Variants in APOL4 observed in about 807,000 individuals in gnomAD.
APOL4 encodes the protein apolipoprotein L4, also known as apolipoprotein L, 4.
Under a neutral mutation model 12.1 loss-of-function variants are expected in APOL4, and 14 were observed. That is an observed-to-expected ratio of 1.16 (90% CI 0.76 to 1.81). APOL4 has a LOEUF of 1.81. APOL4 is among the 40% of genes most tolerant of loss of function. The pLI is 0.00. For missense variants in APOL4, 432 were observed against 423.1 expected, an observed-to-expected ratio of 1.02 and a Z score of -0.18; for synonymous variants, 171 against 160.6, an observed-to-expected ratio of 1.06 and a Z score of -0.49.
At position 36,199,329 on chromosome 22, in the gene APOL4, C is replaced by A. The variant is rs374192613; in HGVS notation, c.82+1G>T. On this transcript the variant is annotated splice_donor_variant, in intron 2 of 3. Transcript: ENST00000683024. LOFTEE classifies it high-confidence loss of function. ...AGCAGCCAGGTCTCTGAAAGGCTTA[C>A]CTTGGAACTGTCCAGCCACTGTCCA... The A allele has an allele frequency of 6.2e-6, 10 of 1,613,968 alleles. No individual in the cohort carries two copies. In the East Asian group the frequency reaches 8.9e-5, roughly 14 times the overall value.
chr22:36,195,784 A>T (rs1053426613), intron 2 of APOL4, among the ~76,000 whole-genome samples: 336 of 137,522 alleles, frequency 2.4e-3, no homozygotes, highest in South Asian at 8.3e-3. Context: ...TCTCACACAC[A>T]CACACACACA....
chr22:36,198,255 C>T (rs1021483493), intron 2 of APOL4, among the ~76,000 whole-genome samples: 2 of 152,310 alleles, frequency 1.3e-5, no homozygotes, highest in Admixed American at 6.5e-5. Flanking sequence ...TCAGAGACCT[C>T]CCTAAACCCA....
At chr22:36,202,639 TG>T (rs2014617447), upstream of APOL4, among the ~76,000 whole-genome samples, 1 of 150,924 alleles carries the variant, frequency 6.6e-6, no homozygotes, top group Non-Finnish European at 1.5e-5. Flanking sequence ...GGCAGGAGAA[TG>T]GTGTGAACCC....
chr22:36,204,669 G>A (rs2014675241), upstream of APOL4: 5 of 775,884 alleles, frequency 6.4e-6, no homozygotes, highest in South Asian at 6.5e-5. Flanking sequence ...AGATCCAGCT[G>A]GTCTGAGCTG....
At position 36,201,788 on chromosome 22, in the gene APOL4, A is replaced by G; in HGVS notation, c.-54T>C. Reference sequence around the variant, plus strand: ...GACGCTGATCTGGGGCCTCTGCTGAATGTTGAGGCTGGATACTGACTGTTA... The same window carrying G: ...GACGCTGATCTGGGGCCTCTGCTGAGTGTTGAGGCTGGATACTGACTGTTA... On this transcript the variant is annotated 5_prime_UTR_variant, in exon 1 of 4. Coordinates refer to ENST00000683024, the MANE Select transcript of APOL4 (RefSeq NM_001386885.1). The G allele has an allele frequency of 6.3e-7, 1 of 1,585,222 alleles. No individual in the cohort carries two copies. Among genetic ancestry groups the G allele is most frequent in the Non-Finnish European group, 8.6e-7 (1 of 1,165,294 alleles).
intron 2 of APOL4, among the ~76,000 whole-genome samples, chr22:36,199,057 C>A (rs780561407): frequency 2.6e-5 from 4 of 152,216 alleles, no homozygotes; most frequent in South Asian, 4.1e-4. Context: ...CCACTTAAGT[C>A]ATTTGCTAGG....
chr22:36,197,492 A>C (rs1182052452), intron 2 of APOL4: 20 of 1,178,400 alleles, frequency 1.7e-5, no homozygotes, highest in Non-Finnish European at 2.3e-5. Context: ...TGGGGTGGGG[A>C]TGGTGAATAT....
intron 2 of APOL4, among the ~76,000 whole-genome samples, chr22:36,198,758 G>T (rs1165853571): frequency 6.6e-6 from 1 of 152,314 alleles, no homozygotes; most frequent in Admixed American, 6.5e-5. Context: ...GGAGTAAGGA[G>T]CTCCAGGTCA....
At chr22:36,197,519 T>TA in intron 2 of APOL4, 1 of 1,345,750 alleles carries the variant, frequency 7.4e-7, no homozygotes, top group Non-Finnish European at 9.6e-7. Context: ...AAAATTAAAA[T>TA]AAAAACCAGA....
rs200069228 is a variant in APOL4 at position 36,191,177 on chromosome 22, C to G, written c.945G>C (p.Gly315=). Residue 315 remains glycine (G), a synonymous_variant, in exon 4 of 4, where the codon GGG becomes GGC. Coordinates refer to ENST00000683024, the MANE Select transcript of APOL4 (RefSeq NM_001386885.1). The part of the protein sequence containing the change: ...LVQDSLDLHK[G]AKSESAESLR... ...GCGACTCAGCAGACTCGGATTTTGC[C>G]CCCTTGTGCAAGTCCAGTGAGTCTT... is the stretch of plus-strand genomic sequence containing the variant. 481 of 1,613,140 alleles carry G rather than the reference C, an allele frequency of 3.0e-4. No homozygotes were observed. The highest frequency in any genetic ancestry group is 3.9e-4 in the Non-Finnish European group (465 of 1,179,546).
chr22:36,197,485 G>T, intron 2 of APOL4: 1 of 1,108,038 alleles, frequency 9.0e-7, no homozygotes, highest in Non-Finnish European at 1.2e-6. Context: ...TTATTGATGG[G>T]GTGGGGATGG....
chr22:36,204,114 G>A (rs1019915355), upstream of APOL4, among the ~76,000 whole-genome samples: 1 of 152,196 alleles, frequency 6.6e-6, no homozygotes, highest in Non-Finnish European at 1.5e-5. Flanking sequence ...GCACAAGTAG[G>A]TGCTCAGACT....
At chr22:36,193,788 G>A (rs960079002) in intron 3 of APOL4, among the ~76,000 whole-genome samples, 8 of 152,180 alleles carry the variant, frequency 5.3e-5, no homozygotes, top group Admixed American at 4.6e-4. Flanking sequence ...AAAGGCCACT[G>A]GGTCCAGCCA....
upstream of APOL4, chr22:36,201,880 T>C (rs1170742273): frequency 4.4e-6 from 7 of 1,591,896 alleles, no homozygotes; most frequent in Non-Finnish European, 6.0e-6. Context: ...CGGGAAGTGA[T>C]TTTGGTTCCT....
intron 2 of APOL4, among the ~76,000 whole-genome samples, chr22:36,199,050 C>T (rs2014492588): frequency 6.6e-6 from 1 of 152,218 alleles, no homozygotes; most frequent in South Asian, 2.1e-4. Flanking sequence ...TCCTGCCCCA[C>T]TTAAGTCATT....
chr22:36,204,051 G>C (rs2014661767), upstream of APOL4, among the ~76,000 whole-genome samples: 1 of 152,118 alleles, frequency 6.6e-6, no homozygotes, highest in Non-Finnish European at 1.5e-5. Context: ...CCTGACACTG[G>C]ACCCTGGGCA....
intron 3 of APOL4, 76 bp downstream of exon 3, chr22:36,195,235 G>A: frequency 2.6e-6 from 4 of 1,542,494 alleles, no homozygotes; most frequent in Non-Finnish European, 3.5e-6. Context: ...AGGTGTGCCT[G>A]CCAGAGAAAA....
chr22:36,196,375 G>T (rs1744557517), intron 2 of APOL4, among the ~76,000 whole-genome samples: 1 of 152,174 alleles, frequency 6.6e-6, no homozygotes, highest in Non-Finnish European at 1.5e-5. Context: ...TAGGATGGCA[G>T]CATTTTCAAT....
Position 36,195,041 on chromosome 22 carries a change from AAAG to A in APOL4, c.209+267_209+269del, listed in dbSNP as rs1241304664. 15 of 338,188 alleles carry A rather than the reference AAAG, an allele frequency of 4.4e-5. No homozygotes were observed. The East Asian group carries it at 8.1e-4, about 18-fold the overall frequency. 20.9% of individuals were successfully genotyped at this position (338,188 alleles called of 1,614,324 possible). A position where few individuals can be genotyped will look rare whatever the true frequency, so the allele number is the denominator to read the frequency against. ...TCAATGGATGAAGAAAGGAAAGCAG[AAAG>A]TAGTCAAGTAGCTTGCAAAGCTCCC... On this transcript the variant is annotated intron_variant, in intron 3 of 3. Coordinates refer to ENST00000683024, the MANE Select transcript of APOL4 (RefSeq NM_001386885.1).
Sources: allele counts gnomAD v4.1 joint callset (sites outside exome capture counted in the v4.1 genomes callset), GRCh38; gene constraint gnomAD v4.1.1; transcripts MANE v1.5; gene names NCBI Gene and HGNC (gene_info 2026-07-23, HGNC 2026-07-21).